Variants in CRPPA observed in about 807,000 individuals in gnomAD.
CRPPA encodes CDP-L-ribitol pyrophosphorylase A.
A neutral mutation model predicts 52.0 loss-of-function variants in CRPPA; 43 were observed. That is an observed-to-expected ratio of 0.83 (90% CI 0.65 to 1.07). The LOEUF is 1.07. Among genes scored for constraint, CRPPA ranks in the 50% least tolerant of loss-of-function variants. The pLI, the probability that CRPPA is intolerant of heterozygous loss-of-function variation, is 0.00. For missense variants in CRPPA, 629 were observed against 551.7 expected, an observed-to-expected ratio of 1.14 and a Z score of -1.40; for synonymous variants, 250 against 203.5, an observed-to-expected ratio of 1.23 and a Z score of -1.94.
intron 3 of CRPPA, among the ~76,000 whole-genome samples, chr7:16,341,836 G>C (rs1035062071): frequency 9.9e-5 from 15 of 152,270 alleles, no homozygotes; most frequent in East Asian, 5.8e-4. Context: ...AGAGCAGCTA[G>C]AAAAATTAGC....
intron 9 of CRPPA, among the ~76,000 whole-genome samples, chr7:16,105,841 C>A (rs1239053926): frequency 6.6e-6 from 1 of 152,078 alleles, no homozygotes; most frequent in Non-Finnish European, 1.5e-5. Context: ...TGGCTTGACC[C>A]AGGAAGCCAA....
At chr7:16,193,633 A>T (rs570010051) in intron 9 of CRPPA, among the ~76,000 whole-genome samples, 1 of 152,242 alleles carries the variant, frequency 6.6e-6, no homozygotes, top group Admixed American at 6.5e-5. Flanking sequence ...CTTAAGTATA[A>T]ATACCATAAA....
chr7:16,144,508 G>A (rs1394737375), intron 9 of CRPPA, among the ~76,000 whole-genome samples: 1 of 152,226 alleles, frequency 6.6e-6, no homozygotes, highest in Non-Finnish European at 1.5e-5. Flanking sequence ...AAGCTTCAGG[G>A]AAGGATGAGC....
At chr7:16,380,488 A>C in intron 2 of CRPPA, among the ~76,000 whole-genome samples, 1 of 152,070 alleles carries the variant, frequency 6.6e-6, no homozygotes, top group Non-Finnish European at 1.5e-5. Context: ...TTGGTATCAG[A>C]ATGATGCTGG....
At chr7:16,159,342 CG>C (rs1562531340) in intron 9 of CRPPA, among the ~76,000 whole-genome samples, 1 of 152,090 alleles carries the variant, frequency 6.6e-6, no homozygotes. Flanking sequence ...GATTAAGGAA[CG>C]CTTGTTTGTT....
At chr7:16,121,623 G>A (rs1332826653) in intron 9 of CRPPA, among the ~76,000 whole-genome samples, 1 of 152,018 alleles carries the variant, frequency 6.6e-6, no homozygotes, top group Admixed American at 6.6e-5. Context: ...TAAAACAGAT[G>A]TAATGGACAT....
At chr7:16,122,402 T>C (rs1482315885) in intron 9 of CRPPA, among the ~76,000 whole-genome samples, 4 of 151,888 alleles carry the variant, frequency 2.6e-5, no homozygotes, top group African/African-American at 9.7e-5. Context: ...CACTGAATAC[T>C]AAACTTAGAA....
chr7:16,227,384 T>C (rs543473926), intron 8 of CRPPA, among the ~76,000 whole-genome samples: 1 of 151,958 alleles, frequency 6.6e-6, no homozygotes, highest in Admixed American at 6.6e-5. Context: ...CTTTTCTCCA[T>C]ATTCTTGTCA....
intron 9 of CRPPA, among the ~76,000 whole-genome samples, chr7:16,103,277 G>T (rs1782085827): frequency 1.3e-5 from 2 of 152,092 alleles, no homozygotes; most frequent in African/African-American, 2.4e-5. Context: ...ACACAGGAAG[G>T]GGAACATCAC....
At chr7:16,228,656 T>C (rs1304899583) in intron 8 of CRPPA, among the ~76,000 whole-genome samples, 3 of 151,972 alleles carry the variant, frequency 2.0e-5, no homozygotes, top group African/African-American at 7.2e-5. Flanking sequence ...AGTCAGAAAA[T>C]ATTATTTGGT....
chr7:16,399,545 T>C (rs890305503), intron 2 of CRPPA, among the ~76,000 whole-genome samples: 1 of 151,232 alleles, frequency 6.6e-6, no homozygotes, highest in African/African-American at 2.4e-5. Flanking sequence ...TGACACGAGA[T>C]TGACATGAAT....
intron 9 of CRPPA, among the ~76,000 whole-genome samples, chr7:16,158,560 G>GT (rs1325219181): frequency 3.9e-5 from 6 of 152,084 alleles, no homozygotes; most frequent in African/African-American, 1.4e-4. Flanking sequence ...CTTAAGAGAT[G>GT]TTTTTTATAT....
At chr7:16,361,982 G>A (rs1786460900) in intron 3 of CRPPA, among the ~76,000 whole-genome samples, 1 of 152,046 alleles carries the variant, frequency 6.6e-6, no homozygotes. Context: ...AGCCTCCCGA[G>A]TAGCTGGGAC....
At chr7:16,342,773 A>AT (rs1554335182) in intron 3 of CRPPA, among the ~76,000 whole-genome samples, 2,655 of 69,356 alleles carry the variant, frequency 0.038, 371 homozygotes, top group African/African-American at 0.1. Context: ...CAAAAAAAAA[A>AT]AAAAAAAAAA....
intron 5 of CRPPA, among the ~76,000 whole-genome samples, chr7:16,290,272 A>T (rs1784532864): frequency 6.6e-6 from 1 of 152,058 alleles, no homozygotes. Context: ...TACCAATGAT[A>T]TCCTTCACAG....
intron 2 of CRPPA, among the ~76,000 whole-genome samples, chr7:16,386,458 G>A (rs1407448230): frequency 6.6e-6 from 1 of 152,178 alleles, no homozygotes; most frequent in Non-Finnish European, 1.5e-5. Context: ...TAGGCTTGAG[G>A]ATGGGGCCTT....
At chr7:16,399,709 A>T (rs1010181951) in intron 2 of CRPPA, among the ~76,000 whole-genome samples, 10 of 151,328 alleles carry the variant, frequency 6.6e-5, no homozygotes, top group South Asian at 4.2e-4. Context: ...CGTGACCAAC[A>T]TGACTGACAT....
chr7:16,247,351 G>T (rs111427588), intron 8 of CRPPA, among the ~76,000 whole-genome samples: 5 of 152,260 alleles, frequency 3.3e-5, no homozygotes, highest in East Asian at 1.9e-4. Flanking sequence ...TCATTGTAGG[G>T]TTATTAATTG....
At chr7:16,338,969 C>T (rs1361994033) in intron 3 of CRPPA, among the ~76,000 whole-genome samples, 1 of 152,004 alleles carries the variant, frequency 6.6e-6, no homozygotes, top group East Asian at 1.9e-4. Flanking sequence ...GCATCCGTCA[C>T]CACGCCGGCT....
Sources: allele counts gnomAD v4.1 joint callset (sites outside exome capture counted in the v4.1 genomes callset), GRCh38; gene constraint gnomAD v4.1.1; transcripts MANE v1.5; gene names NCBI Gene and HGNC (gene_info 2026-07-23, HGNC 2026-07-21).